The following SCN3A variants were observed in gnomAD, a reference collection of about 807,000 sequenced individuals.
SCN3A encodes the protein sodium channel protein type 3 subunit alpha.
In SCN3A, 60 loss-of-function variants were observed where a neutral mutation model predicts 187.6. The observed-to-expected ratio is 0.32, with a 90% CI of 0.26 to 0.40. The LOEUF is 0.40. Ranked by LOEUF, SCN3A falls within the 10% of genes least tolerant of loss-of-function variation. SCN3A has a pLI of 1.00. For synonymous variants in SCN3A, 788 were observed against 829.2 expected (o/e 0.95, Z 0.85); for missense variants, 1,601 against 2,428.2 (o/e 0.66, Z 7.16).
rs1469067819 is a variant in SCN3A, at chr2:165,116,640, A to G, written c.3394-1065T>C. Among the ~76,000 whole-genome samples the G allele has an allele frequency of 3.9e-5, 6 of 152,136 alleles. No individual in the cohort carries two copies. The East Asian group carries it at 1.2e-3, about 29-fold the overall frequency. ...TGTGTTATTTTTAAAAAGGCCATAA[A>G]CACAGTTCATGTTGGGGAAATTTGG... On this transcript the variant is annotated intron_variant, in intron 18 of 27. Transcript: ENST00000283254.
chr2:165,185,374 TTAAG>T, intron 2 of SCN3A, among the ~76,000 whole-genome samples: 1 of 152,304 alleles, frequency 6.6e-6, no homozygotes, highest in South Asian at 2.1e-4. Flanking sequence ...CCATCTTTGT[TTAAG>T]GACCAGGTAT....
At chr2:165,154,250 G>A (rs1210419662) in intron 11 of SCN3A, among the ~76,000 whole-genome samples, 1 of 151,892 alleles carries the variant, frequency 6.6e-6, no homozygotes, top group African/African-American at 2.4e-5. Flanking sequence ...TCCGCTAGCT[G>A]ATTTCTTTAT....
chr2:165,192,638 T>A (rs998159457), intron 1 of SCN3A, among the ~76,000 whole-genome samples: 1 of 152,112 alleles, frequency 6.6e-6, no homozygotes, highest in African/African-American at 2.4e-5. Context: ...TTCCATTCCT[T>A]AAAAGACCTC....
At chr2:165,120,823 A>G (rs1355335762) in intron 18 of SCN3A, among the ~76,000 whole-genome samples, 1 of 147,816 alleles carries the variant, frequency 6.8e-6, no homozygotes, top group Admixed American at 6.8e-5. Context: ...TTTCACGATC[A>G]CTTATCGAAA....
chr2:165,156,481 C>T (rs544482284), intron 9 of SCN3A, among the ~76,000 whole-genome samples: 3 of 114,780 alleles, frequency 2.6e-5, no homozygotes, highest in Non-Finnish European at 4.9e-5. Flanking sequence ...CCATTGCACT[C>T]CAGCCTGGGT....
chr2:165,143,825 T>C (rs529563766), intron 12 of SCN3A, among the ~76,000 whole-genome samples: 1 of 152,210 alleles, frequency 6.6e-6, no homozygotes, highest in East Asian at 1.9e-4. Context: ...CAGTCATGCA[T>C]GTAGGGTTTG....
intron 22 of SCN3A, among the ~76,000 whole-genome samples, chr2:165,099,511 G>T (rs1019204716): frequency 3.9e-5 from 6 of 152,148 alleles, no homozygotes; most frequent in Non-Finnish European, 7.4e-5. Context: ...GAGGTCAGGG[G>T]ATCGAGACCA....
chr2:165,176,307 C>A lies in SCN3A; in HGVS notation c.88G>T (p.Ala30Ser), dbSNP rs369447779. The A allele has an allele frequency of 1.2e-6, 2 of 1,613,944 alleles. No homozygotes were observed. Among genetic ancestry groups the A allele is most frequent in the African/African-American group, 2.7e-5 (2 of 74,900 alleles). The change falls in exon 3 of 28, where the codon GCA (alanine) becomes TCA (serine). Residue 30 changes from alanine (A) to serine (S), a missense_variant. Physicochemically the swap from Ala to Ser is moderately conservative, Grantham distance 99. Coordinates refer to ENST00000283254, the MANE Select transcript of SCN3A (RefSeq NM_006922.4). The part of the protein sequence containing the change: ...ESLAAIEKRA[A>S]EEKAKKPKKE... The stretch of plus-strand genomic sequence containing the variant: ...TTGGGCTTCTTGGCTTTCTCTTCTG[C>A]AGCACGTTTTTCGATAGCAGCAAGA...
intron 21 of SCN3A, among the ~76,000 whole-genome samples, chr2:165,103,310 C>T (rs938352926): frequency 6.6e-6 from 1 of 152,170 alleles, no homozygotes; most frequent in African/African-American, 2.4e-5. Context: ...GAAATGACCA[C>T]TCCAAGGAAA....
chr2:165,116,856 G>C (rs1686390355), intron 18 of SCN3A, among the ~76,000 whole-genome samples: 1 of 151,182 alleles, frequency 6.6e-6, no homozygotes, highest in Admixed American at 6.6e-5. Context: ...CAGTTTTTTA[G>C]TAGAGTACCT....
intron 2 of SCN3A, among the ~76,000 whole-genome samples, chr2:165,179,918 T>C (rs188843514): frequency 3.9e-5 from 6 of 152,266 alleles, no homozygotes; most frequent in Admixed American, 3.9e-4. Flanking sequence ...ACTTTAAAAA[T>C]TAATTCTTAC....
chr2:165,094,846 G>T (rs1163936186), intron 25 of SCN3A, among the ~76,000 whole-genome samples: 2 of 152,038 alleles, frequency 1.3e-5, no homozygotes, highest in Non-Finnish European at 2.9e-5. Context: ...CAATGTGCTG[G>T]GTGTCAGAAT....
At chr2:165,165,399 A>T (rs12471650) in intron 5 of SCN3A, among the ~76,000 whole-genome samples, 34,261 of 151,928 alleles carry the variant, frequency 0.23, 5,039 homozygotes, top group East Asian at 0.52. Context: ...TTCTTAAATC[A>T]AACCTTGCAT....
At position 165,137,862 on chromosome 2, in the gene SCN3A, A is replaced by G. The variant is rs751890927; in HGVS notation, c.2391+17T>C. 1 of 1,565,624 alleles carries G rather than the reference A, an allele frequency of 6.4e-7. No homozygotes were observed. The highest frequency in any genetic ancestry group is 1.1e-5 in the South Asian group (1 of 89,912). On this transcript the variant is annotated intron_variant, in intron 15 of 27. Coordinates refer to ENST00000283254, the MANE Select transcript of SCN3A (RefSeq NM_006922.4). Reference sequence around the variant, plus strand: ...CACATCTACCAAAGTAAATAAGTAAACTTCAAATGTACTTACCAGGTTTCC... The same window carrying G: ...CACATCTACCAAAGTAAATAAGTAAGCTTCAAATGTACTTACCAGGTTTCC...
chr2:165,128,014 G>C lies in SCN3A; in HGVS notation c.3010C>G (p.Leu1004Val). The C allele has an allele frequency of 6.2e-7, 1 of 1,613,818 alleles. No homozygotes were observed. Among genetic ancestry groups the C allele is most frequent in the Non-Finnish European group, 8.5e-7 (1 of 1,179,964 alleles). ...ATDDDNEMNN[L>V]QIAVGRMQKG... ...TGCATTCTTCCTACTGCAATCTGCA[G>C]ATTATTCATTTCATTGTCATCATCA... Residue 1004 changes from leucine (L) to valine (V), a missense_variant, in exon 18 of 28, where the codon CTG (leucine) becomes GTG (valine). Physicochemically the swap from Leu to Val is conservative, Grantham distance 32 (BLOSUM62 1). Transcript: ENST00000283254.
At position 165,088,825 on chromosome 2, in the gene SCN3A, G is replaced by A. The variant is rs1296450658; in HGVS notation, c.*1325C>T. 1 of 152,462 alleles carries A rather than the reference G, an allele frequency of 6.6e-6. No homozygotes were observed. The highest frequency in any genetic ancestry group is 1.5e-5 in the Non-Finnish European group (1 of 67,946). 9.4% of individuals were successfully genotyped at this position (152,462 alleles called of 1,614,324 possible). A position where few individuals can be genotyped will look rare whatever the true frequency, so the allele number is the denominator to read the frequency against. On this transcript the variant is annotated 3_prime_UTR_variant, in exon 28 of 28. Transcript: ENST00000283254. The stretch of plus-strand genomic sequence containing the variant: ...TATTTTTAGCAAAATATGAAGAATA[G>A]GTTTTGTCAGTAGGCAGTATCCAGT...
rs527460132 is a variant in SCN3A, at chr2:165,146,832, G to A, written c.1578C>T (p.Ser526=). 7.4e-6 allele frequency: 12 copies of A among 1,613,912 alleles called. No homozygotes were observed. The highest frequency in any genetic ancestry group is 6.7e-5 in the East Asian group (3 of 44,882). The change falls in exon 12 of 28, where the codon TCC becomes TCT. Residue 526 remains serine (S), a synonymous_variant. Coordinates refer to ENST00000283254, the MANE Select transcript of SCN3A (RefSeq NM_006922.4). ...NKGERDSFPK[S]ESEDSVKRSS... is the part of the protein sequence containing the mutation. ...TTCTTTTGACGCTGTCTTCAGATTC[G>A]GATTTGGGAAAGCTGTCTCTCTCTC...
chr2:165,107,031 G>A (rs1170907051), intron 21 of SCN3A, among the ~76,000 whole-genome samples: 1 of 152,166 alleles, frequency 6.6e-6, no homozygotes, highest in African/African-American at 2.4e-5. Flanking sequence ...ATGACATCTG[G>A]CCTGGATTTA....
intron 2 of SCN3A, among the ~76,000 whole-genome samples, chr2:165,182,001 A>G (rs554318083): frequency 4.6e-5 from 7 of 152,338 alleles, no homozygotes; most frequent in Middle Eastern, 3.4e-3. Flanking sequence ...GAAAATGCAG[A>G]CTATGCCTAT....
Sources: gnomAD v4.1 joint callset for allele counts (sites outside exome capture counted in the v4.1 genomes callset) on GRCh38, gnomAD v4.1.1 for gene constraint, MANE v1.5 for transcripts, NCBI Gene and HGNC (gene_info 2026-07-23, HGNC 2026-07-21) for gene names.